Variants in ITPRID1 observed in about 807,000 individuals in gnomAD.
The protein encoded by ITPRID1 is ITPR interacting domain containing 1, also known as protein ITPRID1.
ITPRID1 carries 96 observed loss-of-function variants against 95.4 expected under a neutral mutation model. The observed-to-expected ratio is 1.01, with a 90% CI of 0.85 to 1.19. The LOEUF (loss-of-function observed/expected upper bound fraction) is 1.19, where lower values mean the gene tolerates loss of function less well. Among genes scored for constraint, ITPRID1 ranks in the 50% most tolerant of loss-of-function variants. The pLI, the probability that ITPRID1 is intolerant of heterozygous loss-of-function variation, is 0.00. For missense variants in ITPRID1, 1,339 were observed against 1,252.9 expected, an observed-to-expected ratio of 1.07 and a Z score of -1.04; for synonymous variants, 510 against 453.6, an observed-to-expected ratio of 1.12 and a Z score of -1.58.
chr7:31,561,223 G>GA (rs1784613171), intron 5 of ITPRID1, among the ~76,000 whole-genome samples: 1 of 152,192 alleles, frequency 6.6e-6, no homozygotes, highest in African/African-American at 2.4e-5. Flanking sequence ...GTTGAGAGGT[G>GA]AAAGGGAGCA....
Position 31,653,121 on chromosome 7 carries a change from C to A in ITPRID1, c.*292C>A. The A allele has an allele frequency of 2.0e-6, 1 of 505,076 alleles. No homozygotes were observed. Among genetic ancestry groups the A allele is most frequent in the Non-Finnish European group, 3.0e-6 (1 of 334,428 alleles). 31.3% of individuals were successfully genotyped at this position (505,076 alleles called of 1,614,324 possible). A position where few individuals can be genotyped will look rare whatever the true frequency, so the allele number is the denominator to read the frequency against. ...CAGTGTAGTGGGGGAGATAGAATTG[C>A]AAACAAAAAGTATCTGAGACAGACC... On this transcript the variant is annotated 3_prime_UTR_variant, in exon 15 of 15. Transcript: ENST00000615280.
chr7:31,639,633 T>C (rs1359810644), intron 10 of ITPRID1, among the ~76,000 whole-genome samples: 1 of 149,650 alleles, frequency 6.7e-6, no homozygotes, highest in Non-Finnish European at 1.5e-5. Flanking sequence ...GCCTCCCGGG[T>C]TCATGCCATT....
At chr7:31,530,036 GCCTAGATGATTTCATTTA>G (rs1341665813) in intron 1 of ITPRID1, among the ~76,000 whole-genome samples, 1 of 151,988 alleles carries the variant, frequency 6.6e-6, no homozygotes, top group Non-Finnish European at 1.5e-5. Flanking sequence ...ATGGATTTGG[GCCTAGATGATTTCATTTA>G]CCCCCAGGAC....
At chr7:31,599,943 C>T (rs910859555) in intron 10 of ITPRID1, among the ~76,000 whole-genome samples, 7 of 152,016 alleles carry the variant, frequency 4.6e-5, no homozygotes, top group African/African-American at 1.2e-4. Context: ...CGTGATCCGC[C>T]GGCCTCTGCC....
intron 10 of ITPRID1, among the ~76,000 whole-genome samples, chr7:31,620,184 CAGACAAACAAAA>C (rs1417689952): frequency 6.6e-6 from 1 of 152,122 alleles, no homozygotes; most frequent in African/African-American, 2.4e-5. Flanking sequence ...GGGCAGGGCA[CAGACAAACAAAA>C]AGACAGCAGT....
intron 10 of ITPRID1, among the ~76,000 whole-genome samples, chr7:31,617,618 A>C (rs1787384354): frequency 6.8e-6 from 1 of 146,758 alleles, no homozygotes; most frequent in Non-Finnish European, 1.5e-5. Context: ...GACAACTTTT[A>C]CCTTCTAAAT....
intron 1 of ITPRID1, chr7:31,529,610 G>C: frequency 1.7e-6 from 1 of 582,240 alleles, no homozygotes; most frequent in Non-Finnish European, 3.0e-6. Flanking sequence ...CATGGCTTTA[G>C]GCAAACAGAC....
chr7:31,563,762 C>T (rs553176284), intron 5 of ITPRID1, among the ~76,000 whole-genome samples: 45 of 151,650 alleles, frequency 3.0e-4, no homozygotes, highest in East Asian at 1.2e-3. Flanking sequence ...CAATAGGGGG[C>T]GGCAGTGGAA....
chr7:31,627,584 G>C (rs1344807553), intron 10 of ITPRID1, among the ~76,000 whole-genome samples: 1 of 145,838 alleles, frequency 6.9e-6, no homozygotes, highest in Non-Finnish European at 1.5e-5. Flanking sequence ...CTTGAGCCCA[G>C]GAGGTCATGG....
chr7:31,601,119 T>C (rs1026159768), intron 10 of ITPRID1, among the ~76,000 whole-genome samples: 4 of 152,016 alleles, frequency 2.6e-5, no homozygotes, highest in African/African-American at 9.7e-5. Flanking sequence ...TTTGTAAGTA[T>C]CAGAAGAAAT....
intron 10 of ITPRID1, among the ~76,000 whole-genome samples, chr7:31,635,245 A>G (rs1489273887): frequency 6.6e-6 from 1 of 152,336 alleles, no homozygotes; most frequent in East Asian, 1.9e-4. Context: ...TCCTACATCT[A>G]GATGTGCATA....
intron 1 of ITPRID1, among the ~76,000 whole-genome samples, chr7:31,532,191 C>A (rs140811999): frequency 8.5e-5 from 13 of 152,052 alleles, no homozygotes; most frequent in Admixed American, 3.9e-4. Context: ...TAAACATTTT[C>A]TAATGACATT....
In ITPRID1 at chr7:31,581,126, A is replaced by C. The variant is rs150880631; in HGVS notation, c.1171-2008A>C. On this transcript the variant is annotated intron_variant, in intron 9 of 14. Transcript: ENST00000615280. ...TTATAAGAAATGAAAAATATGTGTGAAATTGGCAGATTTTCATGGCATTTA... is the reference window on the plus strand; with the variant it reads ...TTATAAGAAATGAAAAATATGTGTGCAATTGGCAGATTTTCATGGCATTTA... Among the ~76,000 whole-genome samples, 10 of 152,324 alleles carry C rather than the reference A, an allele frequency of 6.6e-5. No homozygotes were observed. The East Asian group carries it at 1.9e-3, about 29-fold the overall frequency.
intron 10 of ITPRID1, among the ~76,000 whole-genome samples, chr7:31,617,029 C>CTGCTCCTAG (rs1317379755): frequency 6.6e-6 from 1 of 152,206 alleles, no homozygotes. Context: ...TTATGACAGA[C>CTGCTCCTAG]TGCTCCTAGG....
chr7:31,569,736 T>G, intron 5 of ITPRID1, 22 bp from the exon 6 acceptor site: 1 of 1,563,706 alleles, frequency 6.4e-7, no homozygotes, highest in Non-Finnish European at 8.7e-7. Flanking sequence ...AAAGTTCCCC[T>G]CTACTTTTTT....
At chr7:31,545,942 A>T (rs548433782) in intron 1 of ITPRID1, among the ~76,000 whole-genome samples, 86 of 152,244 alleles carry the variant, frequency 5.6e-4, no homozygotes, top group African/African-American at 2.0e-3. Flanking sequence ...TTTTTGAGTG[A>T]TCTTCCAAAC....
chr7:31,561,821 T>C (rs1036886796), intron 5 of ITPRID1, among the ~76,000 whole-genome samples: 3 of 152,144 alleles, frequency 2.0e-5, no homozygotes, highest in African/African-American at 7.2e-5. Flanking sequence ...GATTAACTCT[T>C]CTTCATGGTC....
rs559610763 is a variant in ITPRID1 at position 31,562,401 on chromosome 7, CTT to C, written c.257-7354_257-7353del. ...CTACTTGATAGGTTAATTCATGTGTCTTTTATATATTTAGTTATTTCTTCTCC... is the reference window on the plus strand; with the variant it reads ...CTACTTGATAGGTTAATTCATGTGTCTTATATATTTAGTTATTTCTTCTCC... On this transcript the variant is annotated intron_variant, in intron 5 of 14. Coordinates refer to ENST00000615280, the MANE Select transcript of ITPRID1 (RefSeq NM_001257967.3). 3.0e-3 allele frequency among the ~76,000 whole-genome samples: 455 copies of C among 152,232 alleles called. 5 individuals carry two copies. The highest frequency in any genetic ancestry group is 0.01 in the African/African-American group (426 of 41,544).
In ITPRID1 at chr7:31,652,957, C is replaced by T; in HGVS notation, c.*128C>T. On this transcript the variant is annotated 3_prime_UTR_variant, in exon 15 of 15. Transcript: ENST00000615280. ...TGTCAGCTATATCTCTCATATTCTACCCTTTGGTTAAACCCAAGAGGAGTT... is the reference window on the plus strand; with the variant it reads ...TGTCAGCTATATCTCTCATATTCTATCCTTTGGTTAAACCCAAGAGGAGTT... The T allele has an allele frequency of 2.0e-6, 3 of 1,472,008 alleles. No individual in the cohort carries two copies. Among genetic ancestry groups the T allele is most frequent in the Non-Finnish European group, 2.7e-6 (3 of 1,114,372 alleles). The allele number at this position is 1,472,008 out of a possible 1,614,324, so 91.2% of individuals were successfully genotyped here.
Sources: gnomAD v4.1 joint callset for allele counts (sites outside exome capture counted in the v4.1 genomes callset) on GRCh38, gnomAD v4.1.1 for gene constraint, MANE v1.5 for transcripts, NCBI Gene and HGNC (gene_info 2026-07-23, HGNC 2026-07-21) for gene names.